CCDC125: variants seen among roughly 807,000 people sequenced by gnomAD.
CCDC125 encodes the protein coiled-coil domain-containing protein 125.
In CCDC125, 43 loss-of-function variants were observed where a neutral mutation model predicts 57.4. The ratio of observed to expected loss-of-function variants is 0.75; its 90% CI spans 0.59 to 0.97. The LOEUF (loss-of-function observed/expected upper bound fraction) is 0.97. Among genes scored for constraint, CCDC125 ranks in the 50% least tolerant of loss-of-function variants. The pLI is 0.00. For missense variants in CCDC125, 563 were observed against 595.7 expected, an observed-to-expected ratio of 0.95 and a Z score of 0.57; for synonymous variants, 187 against 195.2, an observed-to-expected ratio of 0.96 and a Z score of 0.35.
chr5:69,300,341 A>G (rs968492958), intron 7 of CCDC125, among the ~76,000 whole-genome samples: 2 of 152,152 alleles, frequency 1.3e-5, no homozygotes, highest in East Asian at 3.8e-4. Context: ...TTTAATGGAA[A>G]AGCATCTTAA....
chr5:69,286,478 C>CG (rs1454362968), intron 10 of CCDC125, among the ~76,000 whole-genome samples: 157 of 151,632 alleles, frequency 1.0e-3, no homozygotes, highest in Non-Finnish European at 1.9e-3. Context: ...ATGATTCGCC[C>CG]CCTCTTGGCC....
chr5:69,302,723 C>CA (rs796772184), intron 7 of CCDC125, among the ~76,000 whole-genome samples: 144 of 130,432 alleles, frequency 1.1e-3, no homozygotes, highest in Middle Eastern at 7.9e-3. Flanking sequence ...GACTCTGTCT[C>CA]AAAAAAAAAA....
In CCDC125 at chr5:69,301,898, AAAT is replaced by A. The variant is rs71305003; in HGVS notation, c.701-1774_701-1772del. On this transcript the variant is annotated intron_variant, in intron 7 of 11. Coordinates refer to ENST00000396496, the MANE Select transcript of CCDC125 (RefSeq NM_176816.5). ...GGCGACAGAGTGAGATTCTGTCTCA[AAAT>A]AATAATAATAATAATAATAATATAT... is the stretch of plus-strand genomic sequence containing the variant. 2.0e-4 allele frequency among the ~76,000 whole-genome samples: 29 copies of A among 145,624 alleles called. 1 individual carries two copies. Among genetic ancestry groups the A allele is most frequent in the East Asian group, 6.1e-4 (3 of 4,886 alleles).
intron 8 of CCDC125, among the ~76,000 whole-genome samples, chr5:69,297,668 T>TAA (rs1368348819): frequency 6.6e-6 from 1 of 150,816 alleles, no homozygotes; most frequent in Non-Finnish European, 1.5e-5. Flanking sequence ...CCATATATTT[T>TAA]AAAGTTTCAT....
downstream of CCDC125, among the ~76,000 whole-genome samples, chr5:69,275,656 T>C (rs187020915): frequency 6.6e-6 from 1 of 152,236 alleles, no homozygotes; most frequent in Admixed American, 6.5e-5. Context: ...AATTAAAAAT[T>C]TTGTCAAATT....
intron 3 of CCDC125, 191 bp downstream of exon 3, chr5:69,313,794 C>G (rs1758549212): frequency 2.5e-6 from 2 of 801,924 alleles, no homozygotes; most frequent in Admixed American, 1.7e-5. Flanking sequence ...TTCAACTTCT[C>G]TGGTGTTGAA....
At chr5:69,325,550 G>GC (rs1760620441) in intron 1 of CCDC125, among the ~76,000 whole-genome samples, 1 of 150,762 alleles carries the variant, frequency 6.6e-6, no homozygotes, top group Admixed American at 6.6e-5. Context: ...CTCGGGCTGG[G>GC]CACAGTGGCT....
chr5:69,291,889 A>G lies in CCDC125; in HGVS notation c.1099+299T>C, dbSNP rs191936455. Among the ~76,000 whole-genome samples the G allele has an allele frequency of 4.6e-5, 7 of 152,304 alleles. No homozygotes were observed. In the East Asian group the frequency reaches 7.7e-4, roughly 17 times the overall value. On this transcript the variant is annotated intron_variant, in intron 10 of 11. Coordinates refer to ENST00000396496, the MANE Select transcript of CCDC125 (RefSeq NM_176816.5). ...CTTGGCAGTTTCCTTTTAATCACCT[A>G]GCACTTTTATTGTAAAGTTTTTTCA...
Position 69,320,528 on chromosome 5 carries a change from C to A in CCDC125, c.13G>T (p.Ala5Ser). ...ACGTCTGACTCACTTGATGATCTTG[C>A]CACCTTGCTCATGAGCCAAATGCCG... MSKV[A>S]RSSSESDVQL... Residue 5 changes from alanine to serine, a missense_variant, in exon 2 of 12, where the codon GCA becomes TCA. Transcript: ENST00000396496. The A allele has an allele frequency of 1.9e-6, 3 of 1,607,420 alleles. No individual in the cohort carries two copies. Among genetic ancestry groups the A allele is most frequent in the Non-Finnish European group, 2.5e-6 (3 of 1,176,584 alleles).
At chr5:69,318,403 T>C (rs574650086) in intron 2 of CCDC125, among the ~76,000 whole-genome samples, 19 of 152,074 alleles carry the variant, frequency 1.2e-4, no homozygotes, top group African/African-American at 3.1e-4. Context: ...GCTGTGATCA[T>C]GCTACTGCAC....
chr5:69,298,773 T>A (rs1453432518), intron 8 of CCDC125, among the ~76,000 whole-genome samples: 6 of 152,224 alleles, frequency 3.9e-5, no homozygotes, highest in African/African-American at 1.4e-4. Context: ...TTCTTTAAGC[T>A]GTTTCTTGCA....
intron 5 of CCDC125, 104 bp from the exon 6 acceptor site, chr5:69,307,006 G>C: frequency 6.5e-6 from 8 of 1,238,530 alleles, no homozygotes; most frequent in Non-Finnish European, 8.3e-6. Context: ...CTCAGAAATG[G>C]TTTAAAGAGA....
At chr5:69,283,091 C>A in intron 11 of CCDC125, 57 bp from the exon 12 acceptor site, 1 of 1,337,244 alleles carries the variant, frequency 7.5e-7, no homozygotes. Context: ...AGAATATATT[C>A]AGAGAAAGGA....
At chr5:69,290,611 T>TTTTTTTTTC (rs1161073215) in intron 10 of CCDC125, among the ~76,000 whole-genome samples, 1 of 141,188 alleles carries the variant, frequency 7.1e-6, no homozygotes, top group Non-Finnish European at 1.5e-5. Context: ...CCAGGTTTCT[T>TTTTTTTTTC]TTTTTTTTCT....
rs35020926 is a variant in CCDC125, at chr5:69,321,572, G to A, written c.-40-992C>T. Among the ~76,000 whole-genome samples the A allele has an allele frequency of 0.011, 1,625 of 152,240 alleles. 49 individuals are homozygous for A. In the East Asian group the frequency reaches 0.13, roughly 12 times the overall value. On this transcript the variant is annotated intron_variant, in intron 1 of 11. Transcript: ENST00000396496. ...ATAGCACTGAATACTGTAGGAAATC[G>A]TTACACATGGGTCAATATTTGTGTA...
intron 8 of CCDC125, among the ~76,000 whole-genome samples, chr5:69,296,693 G>T (rs899492649): frequency 6.6e-6 from 1 of 152,162 alleles, no homozygotes. Context: ...GCCAGGCAGG[G>T]TGTCTTATGC....
At chr5:69,301,315 T>C (rs891952606) in intron 7 of CCDC125, among the ~76,000 whole-genome samples, 24 of 152,004 alleles carry the variant, frequency 1.6e-4, no homozygotes, top group Non-Finnish European at 4.4e-5. Context: ...TAATTTCTGC[T>C]AAGAAGGAAG....
chr5:69,314,586 G>A (rs751716998), intron 2 of CCDC125, among the ~76,000 whole-genome samples: 1 of 151,996 alleles, frequency 6.6e-6, no homozygotes, highest in Non-Finnish European at 1.5e-5. Flanking sequence ...TCTAAGGCTC[G>A]CTTGAGGCCA....
At chr5:69,306,218 T>G (rs1222386995) in intron 6 of CCDC125, among the ~76,000 whole-genome samples, 1 of 152,144 alleles carries the variant, frequency 6.6e-6, no homozygotes, top group Non-Finnish European at 1.5e-5. Flanking sequence ...TGAGCCATCA[T>G]GCCCAGCCCC....
Sources: allele counts gnomAD v4.1 joint callset (sites outside exome capture counted in the v4.1 genomes callset), GRCh38; gene constraint gnomAD v4.1.1; transcripts MANE v1.5; gene names NCBI Gene and HGNC (gene_info 2026-07-23, HGNC 2026-07-21).